Variants in PCDH15 observed in about 807,000 individuals in gnomAD.
PCDH15 encodes the protein protocadherin-15.
In PCDH15, 129 loss-of-function variants were observed where a neutral mutation model predicts 178.5. The ratio of observed to expected loss-of-function variants is 0.72; its 90% CI spans 0.63 to 0.84. The LOEUF is 0.84. Among genes scored for constraint, PCDH15 ranks in the 40% least tolerant of loss-of-function variants. The pLI, the probability that PCDH15 is intolerant of heterozygous loss-of-function variation, is 0.00. For missense variants in PCDH15, 2,230 were observed against 2,099.9 expected (o/e 1.06, Z -1.21); for synonymous variants, 800 against 732.0 (o/e 1.09, Z -1.50).
chr10:54,647,558 C>T (rs1393768469), intron 2 of PCDH15, among the ~76,000 whole-genome samples: 5 of 152,064 alleles, frequency 3.3e-5, no homozygotes, highest in Non-Finnish European at 7.4e-5. Flanking sequence ...GATTTGGCAG[C>T]ATGAGCCAGG....
At chr10:54,760,799 G>T (rs772337807) in intron 1 of PCDH15, among the ~76,000 whole-genome samples, 2 of 152,100 alleles carry the variant, frequency 1.3e-5, no homozygotes, top group Non-Finnish European at 2.9e-5. Context: ...TTTGTTAACA[G>T]TTATCTTTCC....
chr10:54,891,255 C>T (rs1257566278), intron 3 of PCDH15, among the ~76,000 whole-genome samples: 1 of 152,100 alleles, frequency 6.6e-6, no homozygotes, highest in Non-Finnish European at 1.5e-5. Flanking sequence ...AGAGGAAATG[C>T]TGAGAGAAAA....
intron 18 of PCDH15, among the ~76,000 whole-genome samples, chr10:54,045,379 T>C (rs956493017): frequency 2.0e-5 from 3 of 152,150 alleles, no homozygotes; most frequent in African/African-American, 7.2e-5. Context: ...GTAGAAATTA[T>C]TGGCTCTTTA....
intron 25 of PCDH15, among the ~76,000 whole-genome samples, chr10:53,936,390 A>C (rs2134028970): frequency 6.6e-6 from 1 of 152,250 alleles, no homozygotes; most frequent in African/African-American, 2.4e-5. Flanking sequence ...AGAGTCCTTA[A>C]GATATACATA....
intron 2 of PCDH15, among the ~76,000 whole-genome samples, chr10:54,946,206 T>G (rs1838194121): frequency 6.6e-6 from 1 of 151,866 alleles, no homozygotes; most frequent in African/African-American, 2.4e-5. Flanking sequence ...GAGTGGTATA[T>G]AGATGAGAGA....
At chr10:54,006,628 C>T (rs866679813) in intron 20 of PCDH15, among the ~76,000 whole-genome samples, 4 of 152,262 alleles carry the variant, frequency 2.6e-5, no homozygotes, top group Middle Eastern at 3.4e-3. Flanking sequence ...CACGTAACTG[C>T]CTCTCAGGTG....
chr10:55,257,969 G>A (rs1160087441), intron 1 of PCDH15, among the ~76,000 whole-genome samples: 1 of 152,218 alleles, frequency 6.6e-6, no homozygotes, highest in Non-Finnish European at 1.5e-5. Flanking sequence ...AGGGCAGCCA[G>A]AGAGAAAGGT....
At chr10:54,016,909 G>A (rs959215325) in intron 20 of PCDH15, among the ~76,000 whole-genome samples, 5 of 152,028 alleles carry the variant, frequency 3.3e-5, no homozygotes, top group Non-Finnish European at 7.4e-5. Context: ...GAAAAGTGTT[G>A]GAAATTACTC....
At chr10:55,577,249 A>AC (rs2132115907) in intron 2 of PCDH15, among the ~76,000 whole-genome samples, 1 of 152,310 alleles carries the variant, frequency 6.6e-6, no homozygotes, top group African/African-American at 2.4e-5. Flanking sequence ...TCAAAACAAA[A>AC]CAAAAAGGAA....
intron 34 of PCDH15, among the ~76,000 whole-genome samples, chr10:53,816,866 T>A (rs1207696249): frequency 3.3e-5 from 5 of 152,224 alleles, no homozygotes; most frequent in Non-Finnish European, 5.9e-5. Context: ...ATTATCAGAT[T>A]TGGTAGGAAT....
At chr10:53,853,712 T>C (rs1203856310) in intron 28 of PCDH15, among the ~76,000 whole-genome samples, 1 of 151,758 alleles carries the variant, frequency 6.6e-6, no homozygotes, top group Non-Finnish European at 1.5e-5. Context: ...CAAATGACAA[T>C]GATATATCAT....
At chr10:55,434,101 G>C (rs1223226807) in intron 2 of PCDH15, among the ~76,000 whole-genome samples, 2 of 13,826 alleles carry the variant, frequency 1.4e-4, no homozygotes, top group Non-Finnish European at 2.1e-4. Context: ...TTTTTTTTGA[G>C]ATGGTGTCTC....
chr10:54,140,804 T>A (rs533856699), intron 14 of PCDH15, among the ~76,000 whole-genome samples: 1 of 151,552 alleles, frequency 6.6e-6, no homozygotes, highest in Admixed American at 6.6e-5. Flanking sequence ...TGCCTCAGCC[T>A]CAGTCCTCAG....
At chr10:53,816,418 A>C in intron 34 of PCDH15, 141 bp from the exon 35 acceptor site, 1 of 392,992 alleles carries the variant, frequency 2.5e-6, no homozygotes, top group Non-Finnish European at 4.5e-6. Flanking sequence ...TGTGTTAGCT[A>C]CCAAAAGCAT....
At chr10:55,449,649 A>C (rs966646409) in intron 2 of PCDH15, among the ~76,000 whole-genome samples, 1 of 152,140 alleles carries the variant, frequency 6.6e-6, no homozygotes, top group African/African-American at 2.4e-5. Context: ...GGAATAATAA[A>C]ATTGTATAGA....
chr10:53,963,220 G>A (rs1157922485), intron 21 of PCDH15, among the ~76,000 whole-genome samples: 1 of 151,968 alleles, frequency 6.6e-6, no homozygotes, highest in African/African-American at 2.4e-5. Context: ...GTTGGGCTAT[G>A]AGATAAATAT....
chr10:55,327,788 A>C (rs997442927), intron 2 of PCDH15, among the ~76,000 whole-genome samples: 1 of 152,078 alleles, frequency 6.6e-6, no homozygotes. Flanking sequence ...TAAAGCCATG[A>C]TATGAATACT....
At chr10:54,865,336 G>C (rs1444862186) in intron 3 of PCDH15, among the ~76,000 whole-genome samples, 2 of 152,090 alleles carry the variant, frequency 1.3e-5, no homozygotes, top group African/African-American at 4.8e-5. Context: ...TCTGGTCTTT[G>C]GAGTCTTGGA....
At chr10:54,143,824 C>A (rs2038989634) in intron 14 of PCDH15, among the ~76,000 whole-genome samples, 1 of 152,024 alleles carries the variant, frequency 6.6e-6, no homozygotes, top group Non-Finnish European at 1.5e-5. Flanking sequence ...GAATTATATT[C>A]TTAATTCATG....
Sources: gnomAD v4.1 joint callset for allele counts (sites outside exome capture counted in the v4.1 genomes callset) on GRCh38, gnomAD v4.1.1 for gene constraint, MANE v1.5 for transcripts, NCBI Gene and HGNC (gene_info 2026-07-23, HGNC 2026-07-21) for gene names.